Variants in POC1A observed in about 807,000 individuals in gnomAD.
POC1A encodes POC1 centriolar protein A, also known as POC1 centriolar protein homolog A.
A neutral mutation model predicts 47.8 loss-of-function variants in POC1A; 34 were observed. That is an observed-to-expected ratio of 0.71 (90% CI 0.54 to 0.95). POC1A has a LOEUF of 0.95. Ranked by LOEUF, POC1A falls within the 40% of genes least tolerant of loss-of-function variation. POC1A has a pLI of 0.00. For missense variants in POC1A, 466 were observed against 528.3 expected (o/e 0.88, Z 1.16); for synonymous variants, 177 against 207.6 (o/e 0.85, Z 1.27).
intron 7 of POC1A, among the ~76,000 whole-genome samples, chr3:52,134,645 A>G (rs536952984): frequency 2.6e-5 from 4 of 152,152 alleles, no homozygotes; most frequent in Non-Finnish European, 5.9e-5. Context: ...GAATGAATGA[A>G]AGAAACAAGA....
chr3:52,144,225 G>C (rs955819401), intron 6 of POC1A, among the ~76,000 whole-genome samples: 1 of 152,078 alleles, frequency 6.6e-6, no homozygotes, highest in East Asian at 1.9e-4. Context: ...ACCTGCCCAC[G>C]TTCCCCAGGC....
Position 52,125,231 on chromosome 3 carries a change from T to C in POC1A, c.814-50A>G, listed in dbSNP as rs757594292. Reference sequence around the variant, plus strand: ...ACACATCAAAGGTCATTCTCCATTCTAAATGCACAGGAAGAAAACGAGACG... The same window carrying C: ...ACACATCAAAGGTCATTCTCCATTCCAAATGCACAGGAAGAAAACGAGACG... On this transcript the variant is annotated intron_variant, in intron 7 of 10. Coordinates refer to ENST00000296484, the MANE Select transcript of POC1A (RefSeq NM_015426.5). 6 of 1,413,792 alleles carry C rather than the reference T, an allele frequency of 4.2e-6. No homozygotes were observed. The South Asian group carries it at 7.0e-5, about 17-fold the overall frequency. The allele number at this position is 1,413,792 out of a possible 1,614,324, so 87.6% of individuals were successfully genotyped here. A position where few individuals can be genotyped will look rare whatever the true frequency, so the allele number is the denominator to read the frequency against.
intron 7 of POC1A, among the ~76,000 whole-genome samples, chr3:52,132,344 G>A (rs1704243434): frequency 6.6e-6 from 1 of 152,106 alleles, no homozygotes; most frequent in Non-Finnish European, 1.5e-5. Flanking sequence ...GAAATGGGTG[G>A]GTACAAACTG....
Position 52,096,718 on chromosome 3 carries a change from G to A in POC1A, c.982-6C>T, listed in dbSNP as rs1274002944. ...ACAGGGAAGTCCACTTCTGGCTAAA[G>A]ACAGAAAGAAAAAAGTTCCTCAGTC... On this transcript the variant is annotated splice_region_variant and splice_polypyrimidine_tract_variant and intron_variant, in intron 9 of 10. Coordinates refer to ENST00000296484, the MANE Select transcript of POC1A (RefSeq NM_015426.5). 8.3e-6 allele frequency: 13 copies of A among 1,569,952 alleles called. No homozygotes were observed. The highest frequency in any genetic ancestry group is 4.2e-5 in the African/African-American group (3 of 72,260).
chr3:52,090,676 G>A lies in POC1A; in HGVS notation c.1125+5893C>T, dbSNP rs1407524480. On this transcript the variant is annotated intron_variant, in intron 10 of 10. Coordinates refer to ENST00000296484, the MANE Select transcript of POC1A (RefSeq NM_015426.5). The surrounding 1 kb of genome is among the most constrained non-coding windows in gnomAD (Gnocchi z 4.2). ...TCACTGGAGAAGTTTTCCGGCATCTGTGAAAAAGACCCCTAGATCACCTGG... is the reference window on the plus strand; with the variant it reads ...TCACTGGAGAAGTTTTCCGGCATCTATGAAAAAGACCCCTAGATCACCTGG... Among the ~76,000 whole-genome samples the A allele has an allele frequency of 1.3e-5, 2 of 151,990 alleles. No individual in the cohort carries two copies. Among genetic ancestry groups the A allele is most frequent in the East Asian group, 3.9e-4 (2 of 5,192 alleles).
At position 52,154,344 on chromosome 3, in the gene POC1A, G is replaced by T. The variant is rs756692543; in HGVS notation, c.18+11C>A. On this transcript the variant is annotated intron_variant, in intron 1 of 10. Transcript: ENST00000296484. Reference sequence around the variant, plus strand: ...ACTGAGGCCTGGGGAGTTGCTCTCGGCTGGGCTTACCGCGCAGGGCGCAGC... The same window carrying T: ...ACTGAGGCCTGGGGAGTTGCTCTCGTCTGGGCTTACCGCGCAGGGCGCAGC... 2 of 1,557,278 alleles carry T rather than the reference G, an allele frequency of 1.3e-6. No individual in the cohort carries two copies. Among genetic ancestry groups the T allele is most frequent in the Non-Finnish European group, 1.7e-6 (2 of 1,155,698 alleles).
At chr3:52,135,346 G>T (rs1041023440) in intron 7 of POC1A, among the ~76,000 whole-genome samples, 1 of 152,224 alleles carries the variant, frequency 6.6e-6, no homozygotes, top group African/African-American at 2.4e-5. Flanking sequence ...ATTGCACTAT[G>T]CTCCCTTGGG....
chr3:52,152,549 G>A (rs1187948081), intron 1 of POC1A, among the ~76,000 whole-genome samples: 7 of 152,012 alleles, frequency 4.6e-5, no homozygotes, highest in Non-Finnish European at 1.0e-4. Flanking sequence ...CAGCCTGGAC[G>A]ACAGAGTGAG....
intron 7 of POC1A, among the ~76,000 whole-genome samples, chr3:52,126,542 C>G (rs1026321843): frequency 6.6e-6 from 1 of 152,250 alleles, no homozygotes; most frequent in African/African-American, 2.4e-5. Flanking sequence ...CCTGCATTTA[C>G]CCACTGAATC....
intron 9 of POC1A, among the ~76,000 whole-genome samples, chr3:52,097,039 C>T (rs1250646092): frequency 6.6e-6 from 1 of 152,228 alleles, no homozygotes; most frequent in East Asian, 1.9e-4. Flanking sequence ...TAGCTGCCTC[C>T]CATATCTTCA....
chr3:52,093,554 G>T (rs1409566804), intron 10 of POC1A, among the ~76,000 whole-genome samples: 1 of 152,222 alleles, frequency 6.6e-6, no homozygotes, highest in Admixed American at 6.5e-5. Context: ...TATTCAAGGA[G>T]CTTCCCAAGA....
intron 2 of POC1A, among the ~76,000 whole-genome samples, chr3:52,150,298 C>G (rs572428978): frequency 6.6e-6 from 1 of 152,208 alleles, no homozygotes; most frequent in African/African-American, 2.4e-5. Flanking sequence ...GGTCTCCCCC[C>G]AGACACATCC....
At chr3:52,121,039 G>C (rs558060877) in intron 9 of POC1A, among the ~76,000 whole-genome samples, 377 of 152,366 alleles carry the variant, frequency 2.5e-3, no homozygotes, top group Admixed American at 5.1e-3. Flanking sequence ...AGAGGCATCA[G>C]CCTGGTGGGC....
chr3:52,081,857 CAGG>C (rs1258078240), intron 10 of POC1A, among the ~76,000 whole-genome samples: 2 of 151,868 alleles, frequency 1.3e-5, no homozygotes, highest in Non-Finnish European at 2.9e-5. Context: ...GGACTGGGGG[CAGG>C]AGAAGCCAGG....
intron 9 of POC1A, among the ~76,000 whole-genome samples, chr3:52,121,601 C>A (rs1703782652): frequency 6.6e-6 from 1 of 152,166 alleles, no homozygotes; most frequent in African/African-American, 2.4e-5. Flanking sequence ...CCAGCCTTGA[C>A]TCGCTGGAGG....
At chr3:52,114,306 C>T (rs184905174) in intron 9 of POC1A, among the ~76,000 whole-genome samples, 5 of 152,334 alleles carry the variant, frequency 3.3e-5, no homozygotes, top group Admixed American at 2.6e-4. Flanking sequence ...TGTGCCCAGC[C>T]CCAGTACATC....
rs369276822 is a variant in POC1A at position 52,099,793 on chromosome 3, A to G, written c.982-3081T>C. Among the ~76,000 whole-genome samples, 14 of 152,210 alleles carry G rather than the reference A, an allele frequency of 9.2e-5. No homozygotes were observed. The East Asian group carries it at 2.7e-3, about 29-fold the overall frequency. The stretch of plus-strand genomic sequence containing the variant: ...TTGAACCCAGGAGGTGGAGGTTGCA[A>G]TGAGCTGAGATCACACCACTGCACT... On this transcript the variant is annotated intron_variant, in intron 9 of 10. Transcript: ENST00000296484.
chr3:52,121,338 C>T (rs185696793), intron 9 of POC1A, among the ~76,000 whole-genome samples: 1 of 152,194 alleles, frequency 6.6e-6, no homozygotes, highest in Admixed American at 6.5e-5. Context: ...GCAGCCCAGT[C>T]ATCCCCCAAC....
intron 9 of POC1A, among the ~76,000 whole-genome samples, chr3:52,103,378 T>A (rs1171991987): frequency 6.6e-6 from 1 of 152,274 alleles, no homozygotes; most frequent in East Asian, 1.9e-4. Context: ...ATGCAAAAAT[T>A]AGCCAGGTGT....
Sources: gnomAD v4.1 joint callset for allele counts (sites outside exome capture counted in the v4.1 genomes callset) on GRCh38, gnomAD v4.1.1 for gene constraint, Gnocchi (gnomAD v3.1) non-coding constraint, MANE v1.5 for transcripts, NCBI Gene and HGNC (gene_info 2026-07-23, HGNC 2026-07-21) for gene names.